CSMD1: variants seen among roughly 807,000 people sequenced by gnomAD.
CSMD1 encodes the protein CUB and Sushi multiple domains 1, also known as CUB and sushi domain-containing protein 1.
CSMD1 carries 213 observed loss-of-function variants against 417.5 expected under a neutral mutation model. The ratio of observed to expected loss-of-function variants is 0.51; its 90% confidence interval spans 0.46 to 0.57. The LOEUF (loss-of-function observed/expected upper bound fraction) is 0.57. CSMD1 is among the 20% of genes least tolerant of loss of function. The pLI is 0.00. For missense variants in CSMD1, 6,923 were observed against 4,529.7 expected, an observed-to-expected ratio of 1.53 and a Z score of -15.17; for synonymous variants, 2,862 against 1,736.8, an observed-to-expected ratio of 1.65 and a Z score of -16.11.
At chr8:4,233,398 C>T (rs972938439) in intron 3 of CSMD1, among the ~76,000 whole-genome samples, 12 of 152,130 alleles carry the variant, frequency 7.9e-5, no homozygotes, top group African/African-American at 2.7e-4. Flanking sequence ...AAAGTGTTTT[C>T]CACAAAATTC....
chr8:3,685,490 G>C (rs542309606), intron 7 of CSMD1, among the ~76,000 whole-genome samples: 1 of 152,110 alleles, frequency 6.6e-6, no homozygotes, highest in Non-Finnish European at 1.5e-5. Flanking sequence ...TGGGAGCTCA[G>C]ACTCAAATCC....
At chr8:3,482,878 T>G (rs10096380) in intron 11 of CSMD1, among the ~76,000 whole-genome samples, 5 of 151,516 alleles carry the variant, frequency 3.3e-5, no homozygotes, top group Non-Finnish European at 7.4e-5. Flanking sequence ...TTCTAAATAA[T>G]CCATGATTCA....
chr8:3,262,758 T>A (rs1801175242), intron 26 of CSMD1, among the ~76,000 whole-genome samples: 1 of 152,198 alleles, frequency 6.6e-6, no homozygotes, highest in African/African-American at 2.4e-5. Flanking sequence ...ATAAGCTTAG[T>A]GTTTAACAAG....
intron 5 of CSMD1, among the ~76,000 whole-genome samples, chr8:3,824,322 C>A (rs1331725744): frequency 1.3e-5 from 2 of 152,056 alleles, no homozygotes; most frequent in South Asian, 2.1e-4. Flanking sequence ...CCTAGGAATA[C>A]TGAGAGGTTG....
At chr8:4,506,460 A>G (rs1282129582) in intron 2 of CSMD1, among the ~76,000 whole-genome samples, 4 of 152,086 alleles carry the variant, frequency 2.6e-5, no homozygotes, top group Non-Finnish European at 5.9e-5. Context: ...CCCCTCCCCT[A>G]TGCTAAGGGA....
chr8:4,062,426 A>C (rs1221582502), intron 3 of CSMD1, among the ~76,000 whole-genome samples: 4 of 152,142 alleles, frequency 2.6e-5, no homozygotes, highest in African/African-American at 9.7e-5. Context: ...CGTATTCTAG[A>C]AATTTTCTAA....
intron 10 of CSMD1, among the ~76,000 whole-genome samples, chr8:3,566,050 A>C (rs1799691752): frequency 1.3e-5 from 2 of 152,142 alleles, no homozygotes; most frequent in Non-Finnish European, 2.9e-5. Flanking sequence ...GTCATACGGG[A>C]CCCTGTTTAT....
At chr8:4,354,517 T>C (rs1320123698) in intron 3 of CSMD1, among the ~76,000 whole-genome samples, 1 of 152,172 alleles carries the variant, frequency 6.6e-6, no homozygotes, top group Non-Finnish European at 1.5e-5. Context: ...GAATGTTTAA[T>C]CACTTGATGT....
At chr8:3,129,143 G>C (rs1817662060) in intron 41 of CSMD1, among the ~76,000 whole-genome samples, 3 of 152,114 alleles carry the variant, frequency 2.0e-5, no homozygotes, top group South Asian at 4.1e-4. Flanking sequence ...CACTTTGCCA[G>C]GGTTCTCTCC....
At chr8:3,665,116 G>T (rs983548020) in intron 7 of CSMD1, among the ~76,000 whole-genome samples, 1 of 152,086 alleles carries the variant, frequency 6.6e-6, no homozygotes, top group African/African-American at 2.4e-5. Context: ...TAATAAGAAA[G>T]TTTCAGGTGA....
At chr8:4,346,917 C>A (rs1800807163) in intron 3 of CSMD1, among the ~76,000 whole-genome samples, 1 of 152,146 alleles carries the variant, frequency 6.6e-6, no homozygotes, top group Non-Finnish European at 1.5e-5. Flanking sequence ...TCAATCTTTT[C>A]CTCAAATACT....
chr8:4,096,625 G>C (rs1242728064), intron 3 of CSMD1, among the ~76,000 whole-genome samples: 14 of 152,104 alleles, frequency 9.2e-5, no homozygotes, highest in Admixed American at 9.2e-4. Flanking sequence ...TACAATGAAA[G>C]ATATCTTAAA....
chr8:4,283,503 A>G (rs1017945263), intron 3 of CSMD1, among the ~76,000 whole-genome samples: 2 of 152,200 alleles, frequency 1.3e-5, no homozygotes, highest in African/African-American at 4.8e-5. Flanking sequence ...GCTTTTGTCC[A>G]ATCATTTTAT....
chr8:4,026,866 T>C (rs573490966), intron 4 of CSMD1, among the ~76,000 whole-genome samples: 1 of 152,250 alleles, frequency 6.6e-6, no homozygotes, highest in African/African-American at 2.4e-5. Context: ...TGAGCAAAAG[T>C]TTGGAATTTG....
chr8:3,113,293 G>C (rs1314098305), intron 42 of CSMD1: 1 of 152,224 alleles, frequency 6.6e-6, no homozygotes, highest in Non-Finnish European at 1.5e-5. Flanking sequence ...AAGGGATAGA[G>C]AGGCTACACT....
intron 10 of CSMD1, among the ~76,000 whole-genome samples, chr8:3,563,474 C>G (rs1008773958): frequency 7.3e-6 from 1 of 137,210 alleles, no homozygotes; most frequent in Non-Finnish European, 1.6e-5. Flanking sequence ...AGGACCACAT[C>G]TAAGACCTGT....
intron 3 of CSMD1, among the ~76,000 whole-genome samples, chr8:4,374,119 T>A (rs1217048615): frequency 6.6e-6 from 1 of 152,112 alleles, no homozygotes; most frequent in Non-Finnish European, 1.5e-5. Context: ...CACCTGCCAT[T>A]TTATTGACCC....
In CSMD1 at chr8:4,043,791, G is replaced by T. The variant is rs76739411; in HGVS notation, c.416-11692C>A. Among the ~76,000 whole-genome samples, 325 of 152,152 alleles carry T rather than the reference G, an allele frequency of 2.1e-3. 2 individuals are homozygous for T. The highest frequency in any genetic ancestry group is 6.8e-3 in the Middle Eastern group (2 of 294). On this transcript the variant is annotated intron_variant, in intron 3 of 69. Transcript: ENST00000635120. ...CAAATGCTGGAACGCTTTATATATG[G>T]TATTTCAAACCTTACACGTCTCCAA... is the stretch of plus-strand genomic sequence containing the variant.
chr8:3,486,213 TA>T (rs1231564561), intron 11 of CSMD1, among the ~76,000 whole-genome samples: 2 of 152,240 alleles, frequency 1.3e-5, no homozygotes, highest in Non-Finnish European at 2.9e-5. Context: ...ACAGCGATGA[TA>T]ACTATAGTAA....
Sources: gnomAD v4.1 joint callset for allele counts (sites outside exome capture counted in the v4.1 genomes callset) on GRCh38, gnomAD v4.1.1 for gene constraint, MANE v1.5 for transcripts, NCBI Gene and HGNC (gene_info 2026-07-23, HGNC 2026-07-21) for gene names.